Variants in ZRANB3 observed in about 807,000 individuals in gnomAD.
The protein encoded by ZRANB3 is DNA annealing helicase and endonuclease ZRANB3.
In ZRANB3, 125 loss-of-function variants were observed where a neutral mutation model predicts 133.8. That is an observed-to-expected ratio of 0.93 (90% confidence interval 0.81 to 1.08). ZRANB3 has a LOEUF of 1.08. Ranked by LOEUF, ZRANB3 falls within the 50% of genes least tolerant of loss-of-function variation. The pLI is 0.00. For synonymous variants in ZRANB3, 387 were observed against 432.7 expected (o/e 0.89, Z 1.31); for missense variants, 1,229 against 1,275.5 (o/e 0.96, Z 0.56).
At chr2:135,430,448 C>T (rs1681599012) in intron 2 of ZRANB3, among the ~76,000 whole-genome samples, 1 of 150,714 alleles carries the variant, frequency 6.6e-6, no homozygotes, top group African/African-American at 2.4e-5. Context: ...AAAAAAAAAC[C>T]CAAACACATA....
chr2:135,455,144 T>C (rs1206470992), intron 2 of ZRANB3, among the ~76,000 whole-genome samples: 1 of 148,504 alleles, frequency 6.7e-6, no homozygotes, highest in Non-Finnish European at 1.5e-5. Context: ...GCCTGGCCAC[T>C]GAATGGGATC....
In ZRANB3 at chr2:135,508,140, T is replaced by C. The variant is rs368022872; in HGVS notation, c.-7-3644A>G. Among the ~76,000 whole-genome samples the C allele has an allele frequency of 5.3e-5, 8 of 152,270 alleles. No individual in the cohort carries two copies. In the South Asian group the frequency reaches 1.7e-3, roughly 32 times the overall value. On this transcript the variant is annotated intron_variant, in intron 1 of 20. Coordinates refer to ENST00000264159, the MANE Select transcript of ZRANB3 (RefSeq NM_032143.4). ...AGGCACAATATTTGTTTTTTGTTTT[T>C]TGTTTTTTTTCTTTTGAGATGGAGT... is the stretch of plus-strand genomic sequence containing the variant.
chr2:135,323,077 A>G (rs1310208788), intron 6 of ZRANB3, among the ~76,000 whole-genome samples: 1 of 151,766 alleles, frequency 6.6e-6, no homozygotes, highest in Non-Finnish European at 1.5e-5. Context: ...CCATTCATTT[A>G]GGTCTTCTTT....
chr2:135,215,341 C>T (rs1346666504), intron 17 of ZRANB3, among the ~76,000 whole-genome samples: 6 of 151,188 alleles, frequency 4.0e-5, no homozygotes, highest in African/African-American at 1.5e-4. Context: ...ACTGCAGCCT[C>T]GACCTCCAGG....
chr2:135,325,869 A>G (rs572601859), intron 6 of ZRANB3, among the ~76,000 whole-genome samples: 5 of 152,346 alleles, frequency 3.3e-5, no homozygotes, highest in South Asian at 2.1e-4. Flanking sequence ...GTCTCCAAAT[A>G]TTAGAAGTTT....
chr2:135,253,697 G>A (rs778752868), intron 12 of ZRANB3, among the ~76,000 whole-genome samples: 3 of 152,152 alleles, frequency 2.0e-5, no homozygotes, highest in African/African-American at 7.2e-5. Flanking sequence ...GTAATACATT[G>A]TGCTACCATG....
chr2:135,209,287 G>A (rs1160259114), intron 17 of ZRANB3, among the ~76,000 whole-genome samples: 1 of 152,162 alleles, frequency 6.6e-6, no homozygotes, highest in Non-Finnish European at 1.5e-5. Context: ...AATAAGAAAT[G>A]ATCAAATACA....
chr2:135,316,983 A>AAAT lies in ZRANB3; in HGVS notation c.678-1454_678-1453insATT, dbSNP rs35114507. On this transcript the variant is annotated intron_variant, in intron 6 of 20. Transcript: ENST00000264159. ...CCGTCTCGAGAAAAAAAAAAAAAAA[A>AAAT]ATATATATATATATATATACTTGCA... Among the ~76,000 whole-genome samples the AAAT allele has an allele frequency of 1.8e-3, 232 of 131,444 alleles. 1 individual carries two copies. The highest frequency in any genetic ancestry group is 6.7e-3 in the African/African-American group (207 of 31,072). 86.2% of individuals were successfully genotyped at this position (131,444 alleles called of 152,430 possible). A position where few individuals can be genotyped will look rare whatever the true frequency, so the allele number is the denominator to read the frequency against.
In ZRANB3 at chr2:135,353,557, T is replaced by C. The variant is rs1363231435; in HGVS notation, c.252A>G (p.Ile84Met). The part of the protein sequence containing the change: ...YFYKEEWPLL[I>M]VVPSSLRYPW... ...GGTACCTCAGAGACGAAGGGACCAC[T>C]ATTAACAGAGGCCATTCCTCTTTAT... The change falls in exon 4 of 21, where the codon ATA (isoleucine) becomes ATG (methionine). Residue 84 changes from isoleucine to methionine, a missense_variant. Coordinates refer to ENST00000264159, the MANE Select transcript of ZRANB3 (RefSeq NM_032143.4). 6.2e-7 allele frequency: 1 copy of C among 1,609,254 alleles called. No homozygotes were observed. The highest frequency in any genetic ancestry group is 8.5e-7 in the Non-Finnish European group (1 of 1,177,086).
chr2:135,392,212 G>C (rs1399576761), intron 2 of ZRANB3, among the ~76,000 whole-genome samples: 1 of 151,958 alleles, frequency 6.6e-6, no homozygotes, highest in Non-Finnish European at 1.5e-5. Context: ...GGCTCAGGAG[G>C]GTGAGGTAGG....
chr2:135,347,269 T>G (rs2104868717), intron 5 of ZRANB3, among the ~76,000 whole-genome samples: 1 of 151,816 alleles, frequency 6.6e-6, no homozygotes, highest in Admixed American at 6.6e-5. Flanking sequence ...TATATAATTT[T>G]TGGTGAGAAT....
intron 12 of ZRANB3, among the ~76,000 whole-genome samples, chr2:135,234,460 G>C (rs1417244390): frequency 6.6e-6 from 1 of 152,144 alleles, no homozygotes; most frequent in Non-Finnish European, 1.5e-5. Flanking sequence ...GACATCTATA[G>C]AACTCTCCAC....
Position 135,311,277 on chromosome 2 carries a change from G to A in ZRANB3, c.966+2212C>T, listed in dbSNP as rs552427598. Reference sequence around the variant, plus strand: ...GCACGATGAGATGCCACTACATACCGACAATAACGGCTAAAATGAAAAAGA... The same window carrying A: ...GCACGATGAGATGCCACTACATACCAACAATAACGGCTAAAATGAAAAAGA... On this transcript the variant is annotated intron_variant, in intron 8 of 20. Transcript: ENST00000264159. Among the ~76,000 whole-genome samples, 40 of 152,160 alleles carry A rather than the reference G, an allele frequency of 2.6e-4. No homozygotes were observed. The South Asian group carries it at 2.7e-3, about 10-fold the overall frequency.
chr2:135,513,821 C>A (rs1693582151), intron 1 of ZRANB3, among the ~76,000 whole-genome samples: 1 of 152,086 alleles, frequency 6.6e-6, no homozygotes, highest in African/African-American at 2.4e-5. Flanking sequence ...AGGAAGGGGT[C>A]CTGTTTCAGT....
chr2:135,216,904 A>G (rs1694334586), intron 17 of ZRANB3, among the ~76,000 whole-genome samples: 1 of 152,230 alleles, frequency 6.6e-6, no homozygotes, highest in Non-Finnish European at 1.5e-5. Flanking sequence ...AAGGAAGGAA[A>G]TCAATGTACA....
chr2:135,462,539 C>CCCTTCCTTCCTTTCTTTT (rs1227093496), intron 2 of ZRANB3, among the ~76,000 whole-genome samples: 1 of 151,330 alleles, frequency 6.6e-6, no homozygotes, highest in Non-Finnish European at 1.5e-5. Flanking sequence ...TCCTTTCTTT[C>CCCTTCCTTCCTTTCTTTT]CCTTCCTTCC....
At chr2:135,428,731 C>T (rs150954428) in intron 2 of ZRANB3, among the ~76,000 whole-genome samples, 573 of 152,274 alleles carry the variant, frequency 3.8e-3, no homozygotes, top group Middle Eastern at 0.014. Context: ...GCAAAGGCCA[C>T]GAACAGACAC....
intron 3 of ZRANB3, among the ~76,000 whole-genome samples, chr2:135,369,361 T>C (rs1455317012): frequency 1.3e-5 from 2 of 152,162 alleles, no homozygotes; most frequent in African/African-American, 4.8e-5. Flanking sequence ...ATTTTATTAA[T>C]AGTTTGTTTC....
intron 2 of ZRANB3, among the ~76,000 whole-genome samples, chr2:135,425,116 C>A (rs1368958164): frequency 1.3e-5 from 2 of 152,036 alleles, no homozygotes; most frequent in Admixed American, 1.3e-4. Context: ...TACTGTTAAT[C>A]AAATGTTAGA....
Sources: gnomAD v4.1 joint callset for allele counts (sites outside exome capture counted in the v4.1 genomes callset) on GRCh38, gnomAD v4.1.1 for gene constraint, MANE v1.5 for transcripts, NCBI Gene and HGNC (gene_info 2026-07-23, HGNC 2026-07-21) for gene names.